Variants in COL4A5 observed in about 807,000 individuals in gnomAD.
The protein encoded by COL4A5 is collagen alpha-5(IV) chain.
Under a neutral mutation model 130.2 loss-of-function variants are expected in COL4A5, and 26 were observed. The observed-to-expected ratio is 0.20, with a 90% confidence interval of 0.15 to 0.28. COL4A5 has a LOEUF of 0.28. Among genes scored for constraint, COL4A5 ranks in the 10% least tolerant of loss-of-function variants. The pLI, the probability that COL4A5 is intolerant of heterozygous loss-of-function variation, is 1.00. For missense variants in COL4A5, 1,131 were observed against 1,344.3 expected, an observed-to-expected ratio of 0.84 and a Z score of 2.48; for synonymous variants, 496 against 439.6, an observed-to-expected ratio of 1.13 and a Z score of -1.60.
chrX:108,627,218 A>G, intron 36 of COL4A5: 3 of 597,538 alleles, frequency 5.0e-6, no homozygotes, highest in Non-Finnish European at 6.0e-6. Flanking sequence ...TTTATATTTT[A>G]CCAGTGACAT....
intron 17 of COL4A5, among the ~76,000 whole-genome samples, chrX:108,584,073 TAAAA>T (rs56676245): frequency 1.7e-5 from 1 of 57,524 alleles, no homozygotes; most frequent in African/African-American, 6.3e-5. Context: ...TGGCTAAATG[TAAAA>T]AAAAAAAAAA....
chrX:108,591,344 T>A (rs1425491218), intron 20 of COL4A5, 113 bp downstream of exon 20: 2 of 766,950 alleles, frequency 2.6e-6, no homozygotes, highest in African/African-American at 4.3e-5. Flanking sequence ...ATCTAAGAAA[T>A]TCTACCACTG....
intron 1 of COL4A5, among the ~76,000 whole-genome samples, chrX:108,455,512 T>C (rs766495970): frequency 8.9e-6 from 1 of 112,448 alleles, no homozygotes; most frequent in South Asian, 3.7e-4. Context: ...ATATATACTT[T>C]GGTAACTACC....
intron 36 of COL4A5, chrX:108,626,647 T>C (rs1269237092): frequency 1.9e-6 from 2 of 1,027,969 alleles, no homozygotes; most frequent in Admixed American, 8.1e-5. Context: ...AGTCCATCCC[T>C]TTTTAGTGAT....
At position 108,695,220 on chromosome X, in the gene COL4A5, A is replaced by G. The variant is rs112292893; in HGVS notation, c.4822-47A>G. 403 of 1,196,748 alleles carry G rather than the reference A, an allele frequency of 3.4e-4. 4 individuals are homozygous for G. The African/African-American group carries it at 4.3e-3, about 13-fold the overall frequency. ...CACATCTTTGGATATTCACTAAGCT[A>G]TTATGGCACATGGGTATTGCGGCAC... On this transcript the variant is annotated intron_variant, in intron 51 of 52. Coordinates refer to ENST00000328300, the MANE Select transcript of COL4A5 (RefSeq NM_033380.3).
intron 2 of COL4A5, among the ~76,000 whole-genome samples, chrX:108,547,436 C>T (rs1386571751): frequency 9.0e-6 from 1 of 111,643 alleles, no homozygotes; most frequent in Non-Finnish European, 1.9e-5. Flanking sequence ...TATTGGTGAA[C>T]AGCAAATGTT....
intron 2 of COL4A5, among the ~76,000 whole-genome samples, chrX:108,548,394 G>A (rs1361679667): frequency 9.0e-6 from 1 of 111,376 alleles, no homozygotes; most frequent in African/African-American, 3.3e-5. Flanking sequence ...TAAATCAGAA[G>A]AAACAACTGA....
chrX:108,548,771 G>A lies in COL4A5; in HGVS notation c.141+8966G>A, dbSNP rs141960663. Among the ~76,000 whole-genome samples, 111 of 111,237 alleles carry A rather than the reference G, an allele frequency of 1.0e-3. 4 individuals carry two copies. In the East Asian group the frequency reaches 0.03, roughly 30 times the overall value. ...ACCGTGTATAGTGGAACAATTATAC[G>A]AATGATGACAGACTTCTCATCAAAA... On this transcript the variant is annotated intron_variant, in intron 2 of 52. Coordinates refer to ENST00000328300, the MANE Select transcript of COL4A5 (RefSeq NM_033380.3).
chrX:108,516,698 A>T (rs763956926), intron 1 of COL4A5, among the ~76,000 whole-genome samples: 7 of 112,182 alleles, frequency 6.2e-5, no homozygotes, highest in African/African-American at 9.7e-5. Flanking sequence ...TCTAAATGAT[A>T]CTGGACATTT....
chrX:108,561,472 A>G (rs1245577369), intron 3 of COL4A5, among the ~76,000 whole-genome samples: 2 of 109,622 alleles, frequency 1.8e-5, no homozygotes, highest in African/African-American at 6.7e-5. Context: ...AAGATATAGA[A>G]TTGGAAGAGA....
chrX:108,464,948 G>A (rs1470423944), intron 1 of COL4A5, among the ~76,000 whole-genome samples: 1 of 111,740 alleles, frequency 8.9e-6, no homozygotes, highest in Non-Finnish European at 1.9e-5. Flanking sequence ...AAATGTACTA[G>A]TTTTAAGTGT....
intron 9 of COL4A5, among the ~76,000 whole-genome samples, chrX:108,575,235 A>G (rs1418202436): frequency 9.0e-6 from 1 of 111,579 alleles, no homozygotes; most frequent in Non-Finnish European, 1.9e-5. Flanking sequence ...AGTTCCTCTC[A>G]TTTCCCTCTG....
intron 13 of COL4A5, among the ~76,000 whole-genome samples, chrX:108,578,948 G>A (rs1355213520): frequency 9.0e-6 from 1 of 111,384 alleles, no homozygotes; most frequent in Non-Finnish European, 1.9e-5. Flanking sequence ...AAAGTGTTGG[G>A]ATTTCAGGCA....
intron 1 of COL4A5, among the ~76,000 whole-genome samples, chrX:108,510,332 A>G (rs1356245544): frequency 9.8e-5 from 11 of 112,043 alleles, no homozygotes; most frequent in Non-Finnish European, 3.8e-5. Context: ...AATAATTTAA[A>G]AAGTACTTTG....
intron 18 of COL4A5, among the ~76,000 whole-genome samples, chrX:108,585,823 A>G (rs2066326755): frequency 9.0e-6 from 1 of 111,441 alleles, no homozygotes; most frequent in Admixed American, 9.6e-5. Flanking sequence ...CATGGGTTTT[A>G]TTTTTAAATT....
chrX:108,656,229 G>GTTA (rs2067839162), intron 37 of COL4A5, among the ~76,000 whole-genome samples: 1 of 111,694 alleles, frequency 9.0e-6, no homozygotes, highest in African/African-American at 3.3e-5. Flanking sequence ...AATTTTGCAT[G>GTTA]TTATTGAAAT....
intron 2 of COL4A5, among the ~76,000 whole-genome samples, chrX:108,547,371 C>T (rs181125800): frequency 8.9e-6 from 1 of 111,846 alleles, no homozygotes; most frequent in African/African-American, 3.2e-5. Context: ...TGCCGGAGGT[C>T]CACTCCAGAC....
At chrX:108,493,780 G>C (rs186798937) in intron 1 of COL4A5, among the ~76,000 whole-genome samples, 53 of 97,750 alleles carry the variant, frequency 5.4e-4, no homozygotes, top group African/African-American at 1.8e-3. Context: ...CATTTATATG[G>C]CTTACCTTGT....
intron 1 of COL4A5, among the ~76,000 whole-genome samples, chrX:108,508,228 T>C (rs1372976101): frequency 9.1e-6 from 1 of 109,813 alleles, no homozygotes; most frequent in Non-Finnish European, 1.9e-5. Flanking sequence ...TCACTACCAT[T>C]CCCATACACC....
Sources: gnomAD v4.1 joint callset for allele counts (sites outside exome capture counted in the v4.1 genomes callset) on GRCh38, gnomAD v4.1.1 for gene constraint, MANE v1.5 for transcripts, NCBI Gene and HGNC (gene_info 2026-07-23, HGNC 2026-07-21) for gene names.